TPO: variants seen among roughly 807,000 people sequenced by gnomAD.
TPO encodes thyroid peroxidase, also known as thyroid microsomal antigen.
In TPO, 78 loss-of-function variants were observed where a neutral mutation model predicts 96.9. The ratio of observed to expected loss-of-function variants is 0.81; its 90% confidence interval spans 0.67 to 0.97. TPO has a LOEUF of 0.97. Ranked by LOEUF, TPO falls within the 50% of genes least tolerant of loss-of-function variation. The pLI is 0.00. For synonymous variants in TPO, 547 were observed against 538.0 expected, an observed-to-expected ratio of 1.02 and a Z score of -0.23; for missense variants, 1,252 against 1,274.8, an observed-to-expected ratio of 0.98 and a Z score of 0.27.
chr2:1,411,557 T>C (rs2298875), upstream of TPO, among the ~76,000 whole-genome samples: 185 of 152,338 alleles, frequency 1.2e-3, 4 homozygotes, highest in East Asian at 0.034. Flanking sequence ...TTTCTGGCTG[T>C]GTGAATTTCC....
At chr2:1,439,315 A>G (rs902923635) in intron 5 of TPO, 2 of 155,990 alleles carry the variant, frequency 1.3e-5, no homozygotes, top group Non-Finnish European at 2.8e-5. Context: ...AGTTTTCATT[A>G]AGAATTCACA....
chr2:1,415,849 C>G (rs1258520632), intron 2 of TPO, among the ~76,000 whole-genome samples: 1 of 152,180 alleles, frequency 6.6e-6, no homozygotes, highest in Non-Finnish European at 1.5e-5. Flanking sequence ...ACATTTTACC[C>G]CAATTTTTCT....
At chr2:1,429,133 C>T (rs907965447) in intron 3 of TPO, among the ~76,000 whole-genome samples, 3 of 152,152 alleles carry the variant, frequency 2.0e-5, no homozygotes, top group Non-Finnish European at 2.9e-5. Flanking sequence ...TGCCCCATCC[C>T]GTTGGTGATA....
At chr2:1,453,376 C>A (rs1667484615) in intron 5 of TPO, among the ~76,000 whole-genome samples, 1 of 152,194 alleles carries the variant, frequency 6.6e-6, no homozygotes, top group Non-Finnish European at 1.5e-5. Context: ...GCCCCTGGTA[C>A]ATTCTAGAAG....
Position 1,542,577 on chromosome 2 carries a change from T to G in TPO, c.*103T>G, listed in dbSNP as rs1352215058. ...ATCCGAAATCAGCAGGACGACTGTT[T>G]TCCCAACACGGGTAAATCTAGTACC... On this transcript the variant is annotated 3_prime_UTR_variant, in exon 17 of 17. Coordinates refer to ENST00000329066, the MANE Select transcript of TPO (RefSeq NM_001206744.2). 7.6e-6 allele frequency: 12 copies of G among 1,572,256 alleles called. No individual in the cohort carries two copies. In the East Asian group the frequency reaches 2.8e-4, roughly 37 times the overall value.
intron 2 of TPO, among the ~76,000 whole-genome samples, chr2:1,418,757 CAAG>C (rs1370345518): frequency 6.6e-6 from 1 of 152,170 alleles, no homozygotes; most frequent in Non-Finnish European, 1.5e-5. Flanking sequence ...TGCAAATGAA[CAAG>C]AAGAAGCAGA....
At chr2:1,535,851 C>G (rs112004000) in intron 15 of TPO, among the ~76,000 whole-genome samples, 1 of 68,178 alleles carries the variant, frequency 1.5e-5, no homozygotes, top group African/African-American at 9.2e-5. Context: ...TGTGCAACCT[C>G]CCCGAATCCC....
At chr2:1,435,150 G>A (rs1665437385) in intron 4 of TPO, among the ~76,000 whole-genome samples, 1 of 152,134 alleles carries the variant, frequency 6.6e-6, no homozygotes. Flanking sequence ...AGCCAGGATG[G>A]TCTCGATCTC....
At chr2:1,516,773 G>A in intron 14 of TPO, 110 bp from the exon 15 acceptor site, 2 of 945,678 alleles carry the variant, frequency 2.1e-6, no homozygotes, top group Non-Finnish European at 3.4e-6. Flanking sequence ...TCATGCTGTG[G>A]GGTGAAGGCC....
At chr2:1,470,929 G>A (rs1669346971) in intron 7 of TPO, among the ~76,000 whole-genome samples, 1 of 152,212 alleles carries the variant, frequency 6.6e-6, no homozygotes, top group Non-Finnish European at 1.5e-5. Flanking sequence ...TTCCAACGCA[G>A]TGCCATATTT....
chr2:1,478,683 G>A (rs1395128715), intron 8 of TPO, among the ~76,000 whole-genome samples: 2 of 152,256 alleles, frequency 1.3e-5, no homozygotes, highest in Non-Finnish European at 2.9e-5. Context: ...GGCAAGCACG[G>A]CAGACGGGCT....
At chr2:1,378,841 A>G (rs760873410) in intron 1 of TPO, among the ~76,000 whole-genome samples, 84 of 152,132 alleles carry the variant, frequency 5.5e-4, no homozygotes, top group Non-Finnish European at 1.1e-3. Context: ...CATTTGGCAG[A>G]GGGCTCTGAT....
chr2:1,375,429 C>T (rs573978459), intron 1 of TPO, among the ~76,000 whole-genome samples: 12 of 152,106 alleles, frequency 7.9e-5, no homozygotes, highest in South Asian at 2.1e-4. Flanking sequence ...ACCTGTGACC[C>T]GAGCCTTTTC....
chr2:1,500,971 CAAA>C (rs1234875187), intron 13 of TPO, among the ~76,000 whole-genome samples: 5 of 110,484 alleles, frequency 4.5e-5, no homozygotes, highest in South Asian at 5.9e-4. Flanking sequence ...GACTCCCTCT[CAAA>C]AAAAAAAAAA....
chr2:1,453,154 T>G (rs1667464049), intron 5 of TPO, among the ~76,000 whole-genome samples: 1 of 152,220 alleles, frequency 6.6e-6, no homozygotes, highest in Non-Finnish European at 1.5e-5. Flanking sequence ...ATTCATTTAT[T>G]AATGGTTCCT....
intron 1 of TPO, among the ~76,000 whole-genome samples, chr2:1,407,328 T>C (rs1662262450): frequency 2.0e-5 from 3 of 152,182 alleles, no homozygotes; most frequent in African/African-American, 7.2e-5. Context: ...CTGGCAGTTG[T>C]GGAATATTCT....
chr2:1,507,590 G>C (rs903068968), intron 14 of TPO, among the ~76,000 whole-genome samples: 19 of 152,186 alleles, frequency 1.2e-4, no homozygotes, highest in African/African-American at 4.6e-4. Context: ...TCCTTCAAGA[G>C]GTCCTTCACA....
At chr2:1,400,274 C>A (rs1027875300) in intron 1 of TPO, among the ~76,000 whole-genome samples, 1 of 152,160 alleles carries the variant, frequency 6.6e-6, no homozygotes, top group African/African-American at 2.4e-5. Context: ...AGGTGGATCA[C>A]TTGAGGTCAG....
chr2:1,493,061 C>G (rs1434507506), intron 10 of TPO, among the ~76,000 whole-genome samples: 2 of 152,016 alleles, frequency 1.3e-5, no homozygotes, highest in African/African-American at 4.8e-5. Flanking sequence ...CAGGGAGCAG[C>G]TGAGGCGTGG....
Sources: gnomAD v4.1 joint callset for allele counts (sites outside exome capture counted in the v4.1 genomes callset) on GRCh38, gnomAD v4.1.1 for gene constraint, MANE v1.5 for transcripts, NCBI Gene and HGNC (gene_info 2026-07-23, HGNC 2026-07-21) for gene names.